The following CDH4 variants were observed in gnomAD, a reference collection of about 807,000 sequenced individuals.
CDH4 encodes the protein cadherin 4.
In CDH4, 33 loss-of-function variants were observed where a neutral mutation model predicts 86.0. The ratio of observed to expected loss-of-function variants is 0.38; its 90% confidence interval spans 0.29 to 0.51. The LOEUF (loss-of-function observed/expected upper bound fraction) is 0.51, where lower values mean the gene tolerates loss of function less well. Ranked by LOEUF, CDH4 falls within the 20% of genes least tolerant of loss-of-function variation. CDH4 has a pLI of 0.86. For synonymous variants in CDH4, 555 were observed against 549.4 expected, an observed-to-expected ratio of 1.01 and a Z score of -0.14; for missense variants, 1,114 against 1,307.4, an observed-to-expected ratio of 0.85 and a Z score of 2.28.
chr20:61,409,957 C>T (rs1337243311), intron 2 of CDH4, among the ~76,000 whole-genome samples: 2 of 152,362 alleles, frequency 1.3e-5, no homozygotes, highest in Non-Finnish European at 2.9e-5. Context: ...AACTTCACCA[C>T]TTCTCCCAGA....
At chr20:61,388,796 A>G (rs1218842757) in intron 2 of CDH4, among the ~76,000 whole-genome samples, 2 of 152,224 alleles carry the variant, frequency 1.3e-5, no homozygotes, top group East Asian at 3.9e-4. Flanking sequence ...TTCATTTAAC[A>G]ACATCTCTTA....
At chr20:61,766,552 C>T (rs1221852306) in intron 3 of CDH4, among the ~76,000 whole-genome samples, 1 of 152,230 alleles carries the variant, frequency 6.6e-6, no homozygotes, top group Non-Finnish European at 1.5e-5. Context: ...CACCCCACAC[C>T]TGGCAGGGGG....
chr20:61,837,911 C>T lies in CDH4; in HGVS notation c.577-6757C>T, dbSNP rs919789754. ...GGCCACATCTCCCTTCCTCCCCTCC[C>T]ATCTCCCTTCCCTGTGGCCTCCCTT... On this transcript the variant is annotated intron_variant, in intron 4 of 15. Transcript: ENST00000614565. Among the ~76,000 whole-genome samples the T allele has an allele frequency of 9.9e-5, 15 of 152,168 alleles. No homozygotes were observed. In the East Asian group the frequency reaches 1.5e-3, roughly 16 times the overall value.
intron 2 of CDH4, among the ~76,000 whole-genome samples, chr20:61,584,966 C>G (rs935856598): frequency 6.6e-6 from 1 of 152,184 alleles, no homozygotes; most frequent in Non-Finnish European, 1.5e-5. Flanking sequence ...AAGCCATCGC[C>G]GATGTGAGGC....
intron 6 of CDH4, among the ~76,000 whole-genome samples, chr20:61,860,835 G>C (rs1265726765): frequency 6.6e-6 from 1 of 152,062 alleles, no homozygotes; most frequent in African/African-American, 2.4e-5. Flanking sequence ...CAGGATCCTG[G>C]CATTTATATC....
Position 61,623,389 on chromosome 20 carries a change from T to C in CDH4, c.170-120174T>C, listed in dbSNP as rs2086796478. On this transcript the variant is annotated intron_variant, in intron 2 of 15. Transcript: ENST00000614565. This position sits in a 1 kb window ranked among gnomAD's most constrained non-coding sequence, Gnocchi z 4.4. ...TCCCCACCCCATCACAAAGCCCCCTTTAAACTCCCGTTTAGAACAGTGATT... is the reference window on the plus strand; with the variant it reads ...TCCCCACCCCATCACAAAGCCCCCTCTAAACTCCCGTTTAGAACAGTGATT... Among the ~76,000 whole-genome samples, 1 of 152,188 alleles carries C rather than the reference T, an allele frequency of 6.6e-6. No homozygotes were observed. Among genetic ancestry groups the C allele is most frequent in the Non-Finnish European group, 1.5e-5 (1 of 68,038 alleles).
In CDH4 at chr20:61,850,122, G is replaced by T. The variant is rs556802999; in HGVS notation, c.733-2632G>T. ...CTCACTGCTGGCTTTGCAGGGTGAT[G>T]CTCCAGAAGATTCCTTGAAGGATTC... On this transcript the variant is annotated intron_variant, in intron 5 of 15. Coordinates refer to ENST00000614565, the MANE Select transcript of CDH4 (RefSeq NM_001794.5). 1.6e-4 allele frequency among the ~76,000 whole-genome samples: 24 copies of T among 152,320 alleles called. 1 individual carries two copies. In the South Asian group the frequency reaches 4.8e-3, roughly 30 times the overall value.
At chr20:61,454,511 T>A (rs972866468) in intron 2 of CDH4, among the ~76,000 whole-genome samples, 1 of 152,158 alleles carries the variant, frequency 6.6e-6, no homozygotes, top group African/African-American at 2.4e-5. Flanking sequence ...AGTGGCGCGA[T>A]CTCGGCTCAC....
At chr20:61,561,965 CAGAGAGAGAGAGGGACCTTCGTGT>C (rs2086219414) in intron 2 of CDH4, among the ~76,000 whole-genome samples, 1 of 151,608 alleles carries the variant, frequency 6.6e-6, no homozygotes, top group African/African-American at 2.4e-5. Flanking sequence ...CCAGGGCTCC[CAGAGAGAGAGAGGGACCTTCGTGT>C]GGAGAGGTGG....
intron 2 of CDH4, among the ~76,000 whole-genome samples, chr20:61,672,040 G>A (rs2087395558): frequency 8.1e-6 from 1 of 122,950 alleles, no homozygotes; most frequent in Non-Finnish European, 1.6e-5. Context: ...TGGATGGGTG[G>A]ATAGATAGAT....
At chr20:61,903,942 C>G (rs190112980) in intron 8 of CDH4, among the ~76,000 whole-genome samples, 2 of 152,226 alleles carry the variant, frequency 1.3e-5, no homozygotes, top group African/African-American at 4.8e-5. Flanking sequence ...TGCGAGGGCC[C>G]GCAAGCTTCT....
At chr20:61,341,935 G>A (rs192985650) in intron 2 of CDH4, among the ~76,000 whole-genome samples, 2 of 152,272 alleles carry the variant, frequency 1.3e-5, no homozygotes, top group Admixed American at 1.3e-4. Flanking sequence ...AGTATCAGTG[G>A]AGCATGGAAT....
At chr20:61,563,768 G>A (rs2086240564) in intron 2 of CDH4, among the ~76,000 whole-genome samples, 1 of 152,202 alleles carries the variant, frequency 6.6e-6, no homozygotes, top group Non-Finnish European at 1.5e-5. Context: ...CCTCTGTGTG[G>A]CTCTGTGGAG....
intron 2 of CDH4, among the ~76,000 whole-genome samples, chr20:61,638,375 A>T (rs2086970829): frequency 6.6e-6 from 1 of 152,196 alleles, no homozygotes. Context: ...GGCAAACGGG[A>T]ACCCCTTGTG....
chr20:61,780,164 T>C (rs1978461909), intron 4 of CDH4, among the ~76,000 whole-genome samples: 2 of 152,082 alleles, frequency 1.3e-5, no homozygotes, highest in African/African-American at 4.8e-5. Flanking sequence ...CACAGCAAGC[T>C]CCAGTTGTGC....
chr20:61,793,702 T>C (rs780793625), intron 4 of CDH4, among the ~76,000 whole-genome samples: 2 of 151,816 alleles, frequency 1.3e-5, no homozygotes, highest in South Asian at 2.1e-4. Flanking sequence ...TAGCTGGGCA[T>C]GGTGGCAGAC....
rs935243142 is a variant in CDH4, at chr20:61,810,128, T to G, written c.577-34540T>G. On this transcript the variant is annotated intron_variant, in intron 4 of 15. Transcript: ENST00000614565. The surrounding 1 kb of genome is among the most constrained non-coding windows in gnomAD (Gnocchi z 4.3). ...AGACCTGGACGGGCCTCAGCCGGGG[T>G]GGGGTGGGGGGCACCTGAGCCTAGA... Among the ~76,000 whole-genome samples, 4 of 150,986 alleles carry G rather than the reference T, an allele frequency of 2.6e-5. No individual in the cohort carries two copies. The highest frequency in any genetic ancestry group is 9.8e-5 in the African/African-American group (4 of 40,970).
chr20:61,496,393 C>A (rs1482750476), intron 2 of CDH4, among the ~76,000 whole-genome samples: 1 of 140,554 alleles, frequency 7.1e-6, no homozygotes, highest in Non-Finnish European at 1.6e-5. Flanking sequence ...CAGAGCAATA[C>A]CCTGTCTCAA....
intron 2 of CDH4, among the ~76,000 whole-genome samples, chr20:61,554,470 C>A (rs1238672887): frequency 6.6e-6 from 1 of 152,214 alleles, no homozygotes; most frequent in Non-Finnish European, 1.5e-5. Context: ...TGTTCAAAGT[C>A]ACATGTACAT....
Sources: gnomAD v4.1 joint callset for allele counts (sites outside exome capture counted in the v4.1 genomes callset) on GRCh38, gnomAD v4.1.1 for gene constraint, Gnocchi (gnomAD v3.1) non-coding constraint, MANE v1.5 for transcripts, NCBI Gene and HGNC (gene_info 2026-07-23, HGNC 2026-07-21) for gene names.